Variants in ADAM22 observed in about 807,000 individuals in gnomAD.
ADAM22 encodes disintegrin and metalloproteinase domain-containing protein 22.
A neutral mutation model predicts 144.6 loss-of-function variants in ADAM22; 65 were observed. The observed-to-expected ratio is 0.45, with a 90% CI of 0.37 to 0.55. The LOEUF is 0.55. Ranked by LOEUF, ADAM22 falls within the 20% of genes least tolerant of loss-of-function variation. The pLI, the probability that ADAM22 is intolerant of heterozygous loss-of-function variation, is 0.00. For synonymous variants in ADAM22, 391 were observed against 412.6 expected, an observed-to-expected ratio of 0.95 and a Z score of 0.63; for missense variants, 974 against 1,184.9, an observed-to-expected ratio of 0.82 and a Z score of 2.61.
chr7:88,190,964 C>G (rs924503945), intron 30 of ADAM22, among the ~76,000 whole-genome samples: 3 of 151,806 alleles, frequency 2.0e-5, no homozygotes, highest in African/African-American at 7.3e-5. Context: ...TTCTTTACTT[C>G]TATTTTGACT....
rs569460352 is a variant in ADAM22 at position 88,078,597 on chromosome 7, GA to G, written c.390+2913del. On this transcript the variant is annotated intron_variant, in intron 4 of 31. Coordinates refer to ENST00000413139, the MANE Select transcript of ADAM22 (RefSeq NM_001324418.2). ...CAATGGCAAAGAAGTTAAAAACTTT[GA>G]AAAAAAATTAGACGAATGGATAACT... is the stretch of plus-strand genomic sequence containing the variant. Among the ~76,000 whole-genome samples the G allele has an allele frequency of 2.0e-5, 3 of 151,850 alleles. No individual in the cohort carries two copies. In the South Asian group the frequency reaches 6.2e-4, roughly 31 times the overall value.
intron 3 of ADAM22, among the ~76,000 whole-genome samples, chr7:88,050,020 A>G (rs1012708016): frequency 1.3e-5 from 2 of 151,946 alleles, no homozygotes; most frequent in Non-Finnish European, 2.9e-5. Context: ...GATTTTGTTT[A>G]AAAACTCTAA....
At chr7:87,961,770 A>C (rs1338740563) in intron 2 of ADAM22, among the ~76,000 whole-genome samples, 1 of 152,222 alleles carries the variant, frequency 6.6e-6, no homozygotes, top group Non-Finnish European at 1.5e-5. Context: ...AATAGGGCTA[A>C]ATTGCATTAA....
At chr7:87,941,881 A>G (rs987694096) in intron 2 of ADAM22, among the ~76,000 whole-genome samples, 8 of 152,132 alleles carry the variant, frequency 5.3e-5, no homozygotes, top group African/African-American at 7.2e-5. Context: ...AAATGTTCCT[A>G]TTTTTATTTG....
intron 3 of ADAM22, among the ~76,000 whole-genome samples, chr7:87,985,958 A>G (rs1788378162): frequency 6.6e-6 from 1 of 152,016 alleles, no homozygotes; most frequent in South Asian, 2.1e-4. Context: ...ATTTTGCAGG[A>G]GGGATGATGT....
At chr7:88,102,291 C>A (rs891004368) in intron 4 of ADAM22, among the ~76,000 whole-genome samples, 1 of 152,146 alleles carries the variant, frequency 6.6e-6, no homozygotes, top group Admixed American at 6.5e-5. Flanking sequence ...GGGGCCCTAC[C>A]TCCTTGGAGA....
rs543003742 is a variant in ADAM22, at chr7:88,150,331, A to G, written c.1567-650A>G. On this transcript the variant is annotated intron_variant, in intron 18 of 31. Transcript: ENST00000413139. ...TTCCGTTTTTGCAAAATGGCACATG[A>G]TATCATCAGAAGACAAAGAGGCAAC... Among the ~76,000 whole-genome samples, 5 of 152,322 alleles carry G rather than the reference A, an allele frequency of 3.3e-5. No individual in the cohort carries two copies. In the South Asian group the frequency reaches 8.3e-4, roughly 25 times the overall value.
intron 3 of ADAM22, among the ~76,000 whole-genome samples, chr7:88,034,520 A>G (rs2129469996): frequency 6.6e-6 from 1 of 152,242 alleles, no homozygotes; most frequent in South Asian, 2.1e-4. Context: ...GAGGTGTGGT[A>G]CAGGCACTCC....
At chr7:88,185,291 A>T (rs986390824) in intron 29 of ADAM22, among the ~76,000 whole-genome samples, 1 of 152,174 alleles carries the variant, frequency 6.6e-6, no homozygotes, top group Non-Finnish European at 1.5e-5. Context: ...TTCAGAAGGG[A>T]ATTTCACAAT....
intron 19 of ADAM22, 66 bp downstream of exon 19, chr7:88,151,097 AT>A: frequency 1.9e-6 from 3 of 1,557,160 alleles, no homozygotes; most frequent in Non-Finnish European, 2.7e-6. Context: ...CTGAAATCTT[AT>A]CAAAATAGGA....
At chr7:88,028,795 C>A (rs777529850) in intron 3 of ADAM22, among the ~76,000 whole-genome samples, 1 of 151,900 alleles carries the variant, frequency 6.6e-6, no homozygotes, top group Non-Finnish European at 1.5e-5. Context: ...GTCTTGAAAT[C>A]TATTTTGTCT....
rs114955980 is a variant in ADAM22, at chr7:88,047,512, A to G, written c.324-28114A>G. On this transcript the variant is annotated intron_variant, in intron 3 of 31. Transcript: ENST00000413139. ...ATTTTTGTATTTTCTTGTTTTGTTA[A>G]TAAGACTCAAAATTCCATGCAGTCA... 5.2e-3 allele frequency among the ~76,000 whole-genome samples: 797 copies of G among 152,292 alleles called. 11 individuals are homozygous for G. Among genetic ancestry groups the G allele is most frequent in the African/African-American group, 0.018 (763 of 41,566 alleles).
At chr7:87,953,236 G>A (rs1845721813) in intron 2 of ADAM22, among the ~76,000 whole-genome samples, 1 of 151,726 alleles carries the variant, frequency 6.6e-6, no homozygotes, top group South Asian at 2.1e-4. Flanking sequence ...GTGATGTTAG[G>A]GTGTCAGTAT....
chr7:87,951,899 A>G lies in ADAM22; in HGVS notation c.246+16713A>G, dbSNP rs867444868. Among the ~76,000 whole-genome samples the G allele has an allele frequency of 1.8e-3, 268 of 145,114 alleles. 1 individual carries two copies. Among genetic ancestry groups the G allele is most frequent in the African/African-American group, 6.5e-3 (249 of 38,370 alleles). Reference sequence around the variant, plus strand: ...TTCCTAGGTATTTTATTCTCTTTGAAGCAACTGTGAATGGTAGTTCACTCA... The same window carrying G: ...TTCCTAGGTATTTTATTCTCTTTGAGGCAACTGTGAATGGTAGTTCACTCA... On this transcript the variant is annotated intron_variant, in intron 2 of 31. Coordinates refer to ENST00000413139, the MANE Select transcript of ADAM22 (RefSeq NM_001324418.2).
chr7:87,981,616 G>C (rs1377311945), intron 3 of ADAM22, among the ~76,000 whole-genome samples: 2 of 152,092 alleles, frequency 1.3e-5, no homozygotes, highest in African/African-American at 2.4e-5. Flanking sequence ...GTTTAAAAGA[G>C]AACATTCAGT....
At chr7:87,945,079 C>T (rs1452627700) in intron 2 of ADAM22, among the ~76,000 whole-genome samples, 2 of 152,024 alleles carry the variant, frequency 1.3e-5, no homozygotes, top group Non-Finnish European at 2.9e-5. Context: ...CCCCATTTTA[C>T]AGTTTAGACT....
chr7:88,131,663 A>G (rs1428092353), intron 11 of ADAM22: 2 of 543,640 alleles, frequency 3.7e-6, no homozygotes, highest in African/African-American at 3.8e-5. Flanking sequence ...TTTTCAAGAT[A>G]TTTAAATAGA....
intron 14 of ADAM22, among the ~76,000 whole-genome samples, chr7:88,142,755 G>A (rs370904147): frequency 3.3e-5 from 5 of 151,644 alleles, no homozygotes; most frequent in Admixed American, 6.6e-5. Flanking sequence ...GGAGAATGGC[G>A]TGAACCCGGG....
intron 4 of ADAM22, among the ~76,000 whole-genome samples, chr7:88,078,513 T>A (rs1815376874): frequency 6.6e-6 from 1 of 152,020 alleles, no homozygotes; most frequent in African/African-American, 2.4e-5. Context: ...CTTTGACGAG[T>A]TGAGAGAAGA....
Sources: allele counts gnomAD v4.1 joint callset (sites outside exome capture counted in the v4.1 genomes callset), GRCh38; gene constraint gnomAD v4.1.1; transcripts MANE v1.5; gene names NCBI Gene and HGNC (gene_info 2026-07-23, HGNC 2026-07-21).